Variants in SNRK observed in about 807,000 individuals in gnomAD.
SNRK encodes SNF-related serine/threonine-protein kinase.
Under a neutral mutation model 48.2 loss-of-function variants are expected in SNRK, and 3 were observed. The ratio of observed to expected loss-of-function variants is 0.06; its 90% confidence interval spans 0.03 to 0.16. SNRK has a LOEUF of 0.16. SNRK is among the 10% of genes least tolerant of loss of function. SNRK has a pLI of 1.00. For synonymous variants in SNRK, 376 were observed against 366.1 expected, an observed-to-expected ratio of 1.03 and a Z score of -0.31; for missense variants, 627 against 976.0, an observed-to-expected ratio of 0.64 and a Z score of 4.76.
chr3:43,321,317 A>G (rs36029881), intron 3 of SNRK, among the ~76,000 whole-genome samples: 3 of 148,994 alleles, frequency 2.0e-5, no homozygotes, highest in Non-Finnish European at 2.9e-5. Flanking sequence ...TTTTTATGTT[A>G]CTTTATGTAA....
chr3:43,337,774 G>A (rs2091202662), intron 4 of SNRK, among the ~76,000 whole-genome samples: 1 of 152,172 alleles, frequency 6.6e-6, no homozygotes, highest in South Asian at 2.1e-4. Context: ...GAACTTAGGA[G>A]AAGCTACTGA....
intron 1 of SNRK, among the ~76,000 whole-genome samples, chr3:43,288,504 G>A (rs58508138): frequency 0.025 from 3,816 of 152,206 alleles, 165 homozygotes; most frequent in African/African-American, 0.085. Flanking sequence ...AAGGGCTTTC[G>A]TGATATTTTT....
Position 43,341,219 on chromosome 3 carries a change from T to C in SNRK, c.944+720T>C, listed in dbSNP as rs548060211. Among the ~76,000 whole-genome samples the C allele has an allele frequency of 1.5e-4, 23 of 152,194 alleles. 1 individual carries two copies. The South Asian group carries it at 2.9e-3, about 19-fold the overall frequency. ...AGGCTGGAGTGCAGTGGCACAATCT[T>C]GGCTCACTGCAAGCTCCGCCTCCCG... On this transcript the variant is annotated intron_variant, in intron 5 of 6. Coordinates refer to ENST00000296088, the MANE Select transcript of SNRK (RefSeq NM_017719.5).
intron 1 of SNRK, among the ~76,000 whole-genome samples, chr3:43,297,294 A>G (rs928406156): frequency 1.3e-5 from 2 of 152,206 alleles, no homozygotes; most frequent in African/African-American, 4.8e-5. Context: ...AGATGAGCGT[A>G]TAGGTGATTT....
chr3:43,297,964 C>T (rs1277170613), intron 1 of SNRK, among the ~76,000 whole-genome samples: 1 of 152,010 alleles, frequency 6.6e-6, no homozygotes, highest in Non-Finnish European at 1.5e-5. Flanking sequence ...TTGGTGAATT[C>T]ATTCGCTTGA....
intron 1 of SNRK, among the ~76,000 whole-genome samples, chr3:43,291,326 A>T (rs1217662338): frequency 6.6e-6 from 1 of 152,180 alleles, no homozygotes; most frequent in East Asian, 1.9e-4. Context: ...GATTTAGGAG[A>T]AAAGAACACC....
intron 2 of SNRK, among the ~76,000 whole-genome samples, chr3:43,301,122 A>C (rs1559459838): frequency 6.6e-6 from 1 of 152,260 alleles, no homozygotes; most frequent in East Asian, 1.9e-4. Flanking sequence ...TGGTAGTGCT[A>C]TTTATTATTA....
rs553161100 is a variant in SNRK, at chr3:43,332,021, A to T, written c.590-148A>T. 2.0e-4 allele frequency: 105 copies of T among 513,590 alleles called. No individual in the cohort carries two copies. The East Asian group carries it at 3.3e-3, about 16-fold the overall frequency. The allele number at this position is 513,590 out of a possible 1,614,324, so 31.8% of individuals were successfully genotyped here. A position where few individuals can be genotyped will look rare whatever the true frequency, so the allele number is the denominator to read the frequency against. On this transcript the variant is annotated intron_variant, in intron 3 of 6. Coordinates refer to ENST00000296088, the MANE Select transcript of SNRK (RefSeq NM_017719.5). Reference sequence around the variant, plus strand: ...AGAAGATAGACACCTTCCCTGCCCTATTGGGGCTTCTTTTCCTTCATGGAT... The same window carrying T: ...AGAAGATAGACACCTTCCCTGCCCTTTTGGGGCTTCTTTTCCTTCATGGAT...
intron 3 of SNRK, among the ~76,000 whole-genome samples, chr3:43,322,481 T>C (rs899203975): frequency 6.6e-6 from 1 of 152,170 alleles, no homozygotes; most frequent in Non-Finnish European, 1.5e-5. Flanking sequence ...ATATAGGAAA[T>C]GGTTACTATT....
chr3:43,300,671 G>C (rs1272728863), intron 2 of SNRK, among the ~76,000 whole-genome samples: 2 of 150,410 alleles, frequency 1.3e-5, no homozygotes, highest in African/African-American at 5.0e-5. Context: ...TTCTTTTGGG[G>C]AACTGCTGTC....
chr3:43,343,197 G>T, intron 5 of SNRK, 147 bp from the exon 6 acceptor site: 1 of 973,152 alleles, frequency 1.0e-6, no homozygotes, highest in Non-Finnish European at 1.5e-6. Context: ...CTACTAGTTT[G>T]GTTTTTTTCT....
intron 3 of SNRK, among the ~76,000 whole-genome samples, chr3:43,309,491 C>A (rs1360953739): frequency 6.6e-6 from 1 of 152,144 alleles, no homozygotes; most frequent in Non-Finnish European, 1.5e-5. Context: ...TAGCCACAGC[C>A]ATGCCAACCT....
rs1255137668 is a variant in SNRK, at chr3:43,340,280, T to G, written c.732-7T>G. On this transcript the variant is annotated splice_region_variant and splice_polypyrimidine_tract_variant and intron_variant, in intron 4 of 6. Transcript: ENST00000296088. ...TGCTTTAACAATGGACTTACCTTCC[T>G]TTCCAGCCTAATCACACGGATGCTA... 1 of 1,613,044 alleles carries G rather than the reference T, an allele frequency of 6.2e-7. No homozygotes were observed. The highest frequency in any genetic ancestry group is 1.7e-5 in the Admixed American group (1 of 60,024).
In SNRK at chr3:43,327,037, A is replaced by G. The variant is rs1024180358; in HGVS notation, c.590-5132A>G. ...TCTTCTGCTTCTTTCGTATGCTGTT[A>G]GTTCAGATGATCTGACAGTTTTCTA... On this transcript the variant is annotated intron_variant, in intron 3 of 6. Coordinates refer to ENST00000296088, the MANE Select transcript of SNRK (RefSeq NM_017719.5). 5.3e-5 allele frequency among the ~76,000 whole-genome samples: 8 copies of G among 152,318 alleles called. No individual in the cohort carries two copies. The East Asian group carries it at 1.5e-3, about 29-fold the overall frequency.
At chr3:43,298,240 T>C (rs1416186269) in intron 1 of SNRK, among the ~76,000 whole-genome samples, 1 of 152,198 alleles carries the variant, frequency 6.6e-6, no homozygotes, top group Non-Finnish European at 1.5e-5. Flanking sequence ...ATTGGTGAGC[T>C]GGGATTCAAA....
intron 4 of SNRK, among the ~76,000 whole-genome samples, chr3:43,336,298 CCCT>C (rs2091188037): frequency 6.7e-6 from 1 of 148,164 alleles, no homozygotes; most frequent in African/African-American, 2.5e-5. Flanking sequence ...CTCTCTCCCT[CCCT>C]TGCTCTCTCC....
chr3:43,339,861 A>ATATATATATATATG (rs1575559272), intron 4 of SNRK, among the ~76,000 whole-genome samples: 6 of 64,510 alleles, frequency 9.3e-5, no homozygotes, highest in South Asian at 4.3e-4. Context: ...ATATATATAT[A>ATATATATATATATG]TATATATATA....
rs756733256 is a variant in SNRK, at chr3:43,347,334, C to T, written c.1080-5C>T. 6.4e-7 allele frequency: 1 copy of T among 1,552,368 alleles called. No homozygotes were observed. Among genetic ancestry groups the T allele is most frequent in the South Asian group, 1.2e-5 (1 of 81,012 alleles). On this transcript the variant is annotated splice_region_variant and splice_polypyrimidine_tract_variant and intron_variant, in intron 6 of 6. Transcript: ENST00000296088. This position sits in a 1 kb window ranked among gnomAD's most constrained non-coding sequence, Gnocchi z 5.4. ...TTTTTTCCCCCCAATCTATCTGTTA[C>T]ATAGGCAGTCATGGCCAACCAAAAT...
At chr3:43,315,435 T>G (rs1434750176) in intron 3 of SNRK, among the ~76,000 whole-genome samples, 1 of 152,154 alleles carries the variant, frequency 6.6e-6, no homozygotes, top group Non-Finnish European at 1.5e-5. Context: ...TTTAGTAACG[T>G]TTCAGTTTTT....
Sources: gnomAD v4.1 joint callset for allele counts (sites outside exome capture counted in the v4.1 genomes callset) on GRCh38, gnomAD v4.1.1 for gene constraint, Gnocchi (gnomAD v3.1) non-coding constraint, MANE v1.5 for transcripts, NCBI Gene and HGNC (gene_info 2026-07-23, HGNC 2026-07-21) for gene names.